The following DCDC2 variants were observed in gnomAD, a reference collection of about 807,000 sequenced individuals.
The protein encoded by DCDC2 is doublecortin domain containing 2, also known as doublecortin domain-containing protein 2.
Under a neutral mutation model 50.2 loss-of-function variants are expected in DCDC2, and 40 were observed. That is an observed-to-expected ratio of 0.80 (90% CI 0.62 to 1.04). DCDC2 has a LOEUF of 1.04. DCDC2 is among the 50% of genes least tolerant of loss of function. The pLI is 0.00. For synonymous variants in DCDC2, 234 were observed against 210.6 expected (o/e 1.11, Z -0.96); for missense variants, 570 against 581.9 (o/e 0.98, Z 0.21).
At chr6:24,335,590 T>C (rs1760043734) in intron 2 of DCDC2, among the ~76,000 whole-genome samples, 1 of 152,116 alleles carries the variant, frequency 6.6e-6, no homozygotes, top group African/African-American at 2.4e-5. Context: ...CCAAGCCCAC[T>C]GTATTTGTCT....
chr6:24,204,508 G>C (rs1322071538), intron 8 of DCDC2, among the ~76,000 whole-genome samples: 1 of 152,050 alleles, frequency 6.6e-6, no homozygotes, highest in Non-Finnish European at 1.5e-5. Context: ...GCTAGGGGAG[G>C]GACAGCATTA....
Position 24,357,902 on chromosome 6 carries a change from G to A in DCDC2, c.-152C>T, listed in dbSNP as rs1760510872. 1.3e-6 allele frequency: 2 copies of A among 1,535,360 alleles called. No individual in the cohort carries two copies. Among genetic ancestry groups the A allele is most frequent in the Non-Finnish European group, 1.8e-6 (2 of 1,141,798 alleles). On this transcript the variant is annotated 5_prime_UTR_variant, in exon 1 of 10. Transcript: ENST00000378454. Reference sequence around the variant, plus strand: ...CAGGTGAAAGAGAAGTAACGGCCGTGCGCCTAGGCGTCCACCCAGAGGAGA... The same window carrying A: ...CAGGTGAAAGAGAAGTAACGGCCGTACGCCTAGGCGTCCACCCAGAGGAGA...
intron 7 of DCDC2, among the ~76,000 whole-genome samples, chr6:24,249,036 T>G (rs1205469673): frequency 6.6e-6 from 1 of 152,178 alleles, no homozygotes; most frequent in Admixed American, 6.5e-5. Flanking sequence ...AAGTGTCAGG[T>G]GACCATAATT....
At chr6:24,183,262 G>A (rs985808770) in intron 8 of DCDC2, among the ~76,000 whole-genome samples, 14 of 152,296 alleles carry the variant, frequency 9.2e-5, no homozygotes, top group South Asian at 8.3e-4. Context: ...CCACTGAACT[G>A]TATGTACACT....
chr6:24,358,199 A>G, upstream of DCDC2: 1 of 350,602 alleles, frequency 2.9e-6, no homozygotes, highest in East Asian at 4.6e-5. Flanking sequence ...CCCTTTCCAA[A>G]CAGCCTAATT....
At chr6:24,194,522 A>C (rs1033166791) in intron 8 of DCDC2, among the ~76,000 whole-genome samples, 7 of 152,188 alleles carry the variant, frequency 4.6e-5, no homozygotes, top group Non-Finnish European at 1.0e-4. Flanking sequence ...AACTCTAAAA[A>C]TACAATTGTG....
chr6:24,212,546 C>T (rs1016288224), intron 7 of DCDC2, among the ~76,000 whole-genome samples: 1 of 152,184 alleles, frequency 6.6e-6, no homozygotes, highest in African/African-American at 2.4e-5. Context: ...TTAAGTCTTA[C>T]CCTGCCCTAA....
At chr6:24,353,648 A>G in intron 1 of DCDC2, 25 bp from the exon 2 acceptor site, 1 of 1,474,926 alleles carries the variant, frequency 6.8e-7, no homozygotes, top group East Asian at 2.3e-5. Context: ...AACAAACAAT[A>G]AGAGTTGCTT....
rs536082780 is a variant in DCDC2, at chr6:24,196,934, T to G, written c.1023+8068A>C. 8.5e-5 allele frequency among the ~76,000 whole-genome samples: 13 copies of G among 152,306 alleles called. No individual in the cohort carries two copies. In the South Asian group the frequency reaches 2.7e-3, roughly 32 times the overall value. On this transcript the variant is annotated intron_variant, in intron 8 of 9. Transcript: ENST00000378454. ...TCTCCACACTTTTAGTTTTCCATAT[T>G]TATAATATAGCTGCTTAGGATGTAA... is the stretch of plus-strand genomic sequence containing the variant.
intron 7 of DCDC2, among the ~76,000 whole-genome samples, chr6:24,239,748 A>G (rs1304040191): frequency 6.6e-6 from 1 of 152,244 alleles, no homozygotes; most frequent in African/African-American, 2.4e-5. Flanking sequence ...TAAATAAAGA[A>G]GAATGAAGCC....
chr6:24,349,315 T>A (rs1308153220), intron 2 of DCDC2, among the ~76,000 whole-genome samples: 2 of 152,248 alleles, frequency 1.3e-5, no homozygotes, highest in African/African-American at 4.8e-5. Flanking sequence ...AGACTATAAA[T>A]TCCTGGATGT....
upstream of DCDC2, among the ~76,000 whole-genome samples, chr6:24,362,403 ATATTTATACAATTATTTTTTATTTAAT>A (rs1760682799): frequency 4.7e-4 from 66 of 140,796 alleles, no homozygotes; most frequent in African/African-American, 8.4e-4. Context: ...ATTTAATTGT[ATATTTATACAATTATTTTTTATTTAAT>A]TGTATATTTA....
intron 4 of DCDC2, among the ~76,000 whole-genome samples, chr6:24,299,911 C>G (rs1273404199): frequency 6.6e-6 from 1 of 151,004 alleles, no homozygotes; most frequent in African/African-American, 2.4e-5. Flanking sequence ...AAGAGTGAAA[C>G]TCCATCTCAA....
At chr6:24,219,393 G>T (rs1399011570) in intron 7 of DCDC2, among the ~76,000 whole-genome samples, 1 of 152,068 alleles carries the variant, frequency 6.6e-6, no homozygotes, top group East Asian at 1.9e-4. Context: ...CATTTTACAC[G>T]AGAAACGGAG....
intron 8 of DCDC2, among the ~76,000 whole-genome samples, chr6:24,189,695 T>A (rs1761273835): frequency 6.6e-6 from 1 of 152,110 alleles, no homozygotes; most frequent in Admixed American, 6.5e-5. Flanking sequence ...CCAACCCTCC[T>A]CCTCATTGCC....
chr6:24,287,334 G>C (rs1289769225), intron 6 of DCDC2, among the ~76,000 whole-genome samples: 1 of 145,528 alleles, frequency 6.9e-6, no homozygotes, highest in African/African-American at 2.6e-5. Flanking sequence ...GCCTTTGTTT[G>C]TATTGTATTG....
chr6:24,276,600 C>A (rs1018385309), intron 7 of DCDC2, among the ~76,000 whole-genome samples: 3 of 152,032 alleles, frequency 2.0e-5, no homozygotes, highest in Admixed American at 2.0e-4. Context: ...GCTTTGGGGG[C>A]CTCACAATCT....
At chr6:24,186,458 CAA>C (rs1561882372) in intron 8 of DCDC2, among the ~76,000 whole-genome samples, 1 of 152,170 alleles carries the variant, frequency 6.6e-6, no homozygotes, top group Non-Finnish European at 1.5e-5. Flanking sequence ...ATCAGCATCA[CAA>C]ACACACATAC....
intron 2 of DCDC2, among the ~76,000 whole-genome samples, chr6:24,340,706 A>C (rs1760138524): frequency 6.6e-6 from 1 of 152,200 alleles, no homozygotes; most frequent in African/African-American, 2.4e-5. Flanking sequence ...GAATGATATT[A>C]GATGACTTAT....
Sources: allele counts gnomAD v4.1 joint callset (sites outside exome capture counted in the v4.1 genomes callset), GRCh38; gene constraint gnomAD v4.1.1; transcripts MANE v1.5; gene names NCBI Gene and HGNC (gene_info 2026-07-23, HGNC 2026-07-21).